Variants in LAMC3 observed in about 807,000 individuals in gnomAD.
LAMC3 encodes laminin subunit gamma-3.
In LAMC3, 128 loss-of-function variants were observed where a neutral mutation model predicts 173.8. The ratio of observed to expected loss-of-function variants is 0.74; its 90% CI spans 0.64 to 0.85. LAMC3 has a LOEUF of 0.85. Ranked by LOEUF, LAMC3 falls within the 40% of genes least tolerant of loss-of-function variation. The pLI, the probability that LAMC3 is intolerant of heterozygous loss-of-function variation, is 0.00. For missense variants in LAMC3, 2,022 were observed against 2,156.0 expected (o/e 0.94, Z 1.23); for synonymous variants, 897 against 909.1 (o/e 0.99, Z 0.24).
chr9:131,068,327 T>G, intron 15 of LAMC3, 96 bp downstream of exon 15: 1 of 1,311,466 alleles, frequency 7.6e-7, no homozygotes, highest in Non-Finnish European at 1.1e-6. Context: ...TGGAAGGTGT[T>G]GTCCTAGGCC....
chr9:131,073,448 G>A (rs570879890), intron 20 of LAMC3, 127 bp downstream of exon 20: 4 of 751,510 alleles, frequency 5.3e-6, no homozygotes, highest in Non-Finnish European at 9.4e-6. Flanking sequence ...TCTGATGGAG[G>A]CAGTGTCACC....
rs1834313274 is a variant in LAMC3 at position 131,052,621 on chromosome 9, G to T, written c.1761G>T (p.Arg587Ser). ...LEGTGLALSL[R>S]HSSLSGPQDA... The stretch of plus-strand genomic sequence containing the variant: ...GGACAGGCTTGGCCCTGTCCCTGAG[G>T]CACTCTAGCCTGTCTGGCCCCCAGG... Residue 587 changes from arginine (R) to serine (S), a missense_variant, in exon 10 of 28, where the codon AGG becomes AGT. Physicochemically the swap from Arg to Ser is moderately radical, Grantham distance 110. Coordinates refer to ENST00000361069, the MANE Select transcript of LAMC3 (RefSeq NM_006059.4). 4 of 1,613,882 alleles carry T rather than the reference G, an allele frequency of 2.5e-6. No homozygotes were observed. The highest frequency in any genetic ancestry group is 2.2e-5 in the East Asian group (1 of 44,860).
At chr9:131,062,067 TTAAA>T (rs1829838072) in intron 13 of LAMC3, among the ~76,000 whole-genome samples, 1 of 150,444 alleles carries the variant, frequency 6.6e-6, no homozygotes, top group Non-Finnish European at 1.5e-5. Context: ...AAATTTTTTT[TTAAA>T]TAAAGTACAG....
At chr9:131,034,800 G>A (rs1240515540) in intron 3 of LAMC3, among the ~76,000 whole-genome samples, 6 of 152,218 alleles carry the variant, frequency 3.9e-5, no homozygotes, top group Admixed American at 6.5e-5. Context: ...CGAGCATGCC[G>A]CGGGCTCCCA....
At chr9:131,051,886 A>G (rs1347391687) in intron 9 of LAMC3, among the ~76,000 whole-genome samples, 1 of 152,142 alleles carries the variant, frequency 6.6e-6, no homozygotes, top group Non-Finnish European at 1.5e-5. Flanking sequence ...TTCTGAAGAA[A>G]TGATGGGCTG....
At position 131,026,665 on chromosome 9, in the gene LAMC3, C is replaced by A; in HGVS notation, c.678+76C>A. ...ACGGCAGTAGGAGGGTCTGATGTGC[C>A]AGGACACACAGGGTGGGGGACCTGC... On this transcript the variant is annotated intron_variant, in intron 2 of 27. Coordinates refer to ENST00000361069, the MANE Select transcript of LAMC3 (RefSeq NM_006059.4). This position sits in a 1 kb window ranked among gnomAD's most constrained non-coding sequence, Gnocchi z 4.8. 6.9e-7 allele frequency: 1 copy of A among 1,457,392 alleles called. No individual in the cohort carries two copies. Among genetic ancestry groups the A allele is most frequent in the Admixed American group, 2.6e-5 (1 of 39,084 alleles). 90.3% of individuals were successfully genotyped at this position (1,457,392 alleles called of 1,614,324 possible). A position where few individuals can be genotyped will look rare whatever the true frequency, so the allele number is the denominator to read the frequency against.
At chr9:131,037,132 G>A (rs1833961503) in intron 4 of LAMC3, among the ~76,000 whole-genome samples, 1 of 152,192 alleles carries the variant, frequency 6.6e-6, no homozygotes, top group Admixed American at 6.5e-5. Flanking sequence ...GCCCTCGCTG[G>A]CCTGCCTCCA....
intron 8 of LAMC3, 108 bp from the exon 9 acceptor site, chr9:131,048,912 T>G: frequency 1.5e-6 from 1 of 646,834 alleles, no homozygotes; most frequent in Non-Finnish European, 2.7e-6. Context: ...GCTTTCTAGC[T>G]TCTCCTGGGG....
intron 1 of LAMC3, among the ~76,000 whole-genome samples, chr9:131,011,613 G>T (rs187184220): frequency 3.4e-5 from 5 of 146,216 alleles, no homozygotes; most frequent in Non-Finnish European, 7.5e-5. Flanking sequence ...AGCCTATCTG[G>T]ATCACTAGGT....
At chr9:131,071,740 G>T (rs1830039941) in intron 18 of LAMC3, 115 bp downstream of exon 18, 2 of 1,085,130 alleles carry the variant, frequency 1.8e-6, no homozygotes, top group Non-Finnish European at 2.6e-6. Flanking sequence ...GTTGCCATGG[G>T]CCTTTACTTC....
At chr9:131,071,438 C>T (rs181356446) in intron 17 of LAMC3, 46 bp from the exon 18 acceptor site, 1 of 1,606,528 alleles carries the variant, frequency 6.2e-7, no homozygotes, top group Admixed American at 1.7e-5. Context: ...TGGGCAGGAC[C>T]TCCATGCCAC....
At chr9:131,018,387 G>A (rs1380159540) in intron 1 of LAMC3, among the ~76,000 whole-genome samples, 10 of 151,686 alleles carry the variant, frequency 6.6e-5, no homozygotes, top group African/African-American at 1.9e-4. Flanking sequence ...CCCCTGCCTC[G>A]GCCTCCCAAA....
chr9:131,081,370 TAA>T (rs1830235219), intron 23 of LAMC3, among the ~76,000 whole-genome samples: 1 of 152,178 alleles, frequency 6.6e-6, no homozygotes, highest in South Asian at 2.1e-4. Flanking sequence ...TGATCTTCCA[TAA>T]GTCAAGGTGG....
At chr9:131,053,137 A>G (rs1834332387) in intron 11 of LAMC3, among the ~76,000 whole-genome samples, 172 bp downstream of exon 11, 1 of 152,160 alleles carries the variant, frequency 6.6e-6, no homozygotes, top group South Asian at 2.1e-4. Context: ...AGGCCATATA[A>G]CCTGTGAAGG....
chr9:131,034,124 G>C (rs1833899715), intron 3 of LAMC3, among the ~76,000 whole-genome samples: 1 of 152,208 alleles, frequency 6.6e-6, no homozygotes, highest in Non-Finnish European at 1.5e-5. Flanking sequence ...ACCACCCTCA[G>C]ACCACAGCTG....
intron 1 of LAMC3, among the ~76,000 whole-genome samples, chr9:131,019,001 G>A (rs548191771): frequency 2.6e-5 from 4 of 152,312 alleles, no homozygotes; most frequent in East Asian, 3.9e-4. Flanking sequence ...GGTGGCTCAC[G>A]CCTCTAATCC....
At position 131,061,106 on chromosome 9, in the gene LAMC3, C is replaced by T. The variant is rs145508936; in HGVS notation, c.2230C>T (p.Pro744Ser). 3.0e-4 allele frequency: 481 copies of T among 1,613,940 alleles called. No homozygotes were observed. The highest frequency in any genetic ancestry group is 3.9e-4 in the Non-Finnish European group (458 of 1,180,042). The change falls in exon 13 of 28, where the codon CCT becomes TCT. Residue 744 changes from proline (P) to serine (S), a missense_variant. Coordinates refer to ENST00000361069, the MANE Select transcript of LAMC3 (RefSeq NM_006059.4). Reference sequence around the variant, plus strand: ...CTGTTTGCCAGGTTTCTATGGCAACCCTTTCGCGGGCCAAGCCGACGACTG... The same window carrying T: ...CTGTTTGCCAGGTTTCTATGGCAACTCTTTCGCGGGCCAAGCCGACGACTG... The part of the protein sequence containing the change: ...ERCLPGFYGN[P>S]FAGQADDCQP...
chr9:131,038,310 C>T (rs545135178), intron 4 of LAMC3, among the ~76,000 whole-genome samples: 6 of 152,212 alleles, frequency 3.9e-5, no homozygotes, highest in Non-Finnish European at 8.8e-5. Context: ...GTGGGCAGCA[C>T]GAGGGCGGCA....
chr9:131,077,298 C>T lies in LAMC3; in HGVS notation c.3741C>T (p.Ala1247=), dbSNP rs756389580. Residue 1247 remains alanine (A), a synonymous_variant, in exon 22 of 28, where the codon GCC becomes GCT. Transcript: ENST00000361069. The part of the protein sequence containing the change: ...ATVQQVGADT[A]PYLALLASPG... ...TGCAGCAAGTTGGCGCAGATACAGCCCCGTACCTGGCCTTGCTGGCTTCCC... is the reference window on the plus strand; with the variant it reads ...TGCAGCAAGTTGGCGCAGATACAGCTCCGTACCTGGCCTTGCTGGCTTCCC... The T allele has an allele frequency of 1.9e-6, 3 of 1,614,076 alleles. No individual in the cohort carries two copies. In the South Asian group the frequency reaches 3.3e-5, roughly 18 times the overall value.
Sources: allele counts gnomAD v4.1 joint callset (sites outside exome capture counted in the v4.1 genomes callset), GRCh38; gene constraint gnomAD v4.1.1; non-coding constraint Gnocchi (gnomAD v3.1); transcripts MANE v1.5; gene names NCBI Gene and HGNC (gene_info 2026-07-23, HGNC 2026-07-21).